FRMPD2: variants seen among roughly 807,000 people sequenced by gnomAD.
The protein encoded by FRMPD2 is FERM and PDZ domain-containing protein 2.
A neutral mutation model predicts 140.1 loss-of-function variants in FRMPD2; 96 were observed. The observed-to-expected ratio is 0.69, with a 90% confidence interval of 0.58 to 0.81. FRMPD2 has a LOEUF of 0.81. Ranked by LOEUF, FRMPD2 falls within the 40% of genes least tolerant of loss-of-function variation. FRMPD2 has a pLI of 0.00. For synonymous variants in FRMPD2, 449 were observed against 547.6 expected, an observed-to-expected ratio of 0.82 and a Z score of 2.52; for missense variants, 1,240 against 1,447.4, an observed-to-expected ratio of 0.86 and a Z score of 2.32.
intron 28 of FRMPD2, among the ~76,000 whole-genome samples, chr10:48,160,992 G>A (rs1360149692): frequency 2.7e-5 from 4 of 145,660 alleles, no homozygotes; most frequent in African/African-American, 1.0e-4. Flanking sequence ...GAGGGAAAAC[G>A]AAGTAAAAAT....
At chr10:48,173,198 C>T in intron 24 of FRMPD2, 105 bp from the exon 25 acceptor site, 1 of 516,642 alleles carries the variant, frequency 1.9e-6, no homozygotes. Context: ...TTCCTATAAG[C>T]AGACTCATTT....
At position 48,184,387 on chromosome 10, in the gene FRMPD2, C is replaced by T. The variant is rs554529455; in HGVS notation, c.2584+179G>A. Among the ~76,000 whole-genome samples the T allele has an allele frequency of 5.9e-5, 9 of 152,246 alleles. No homozygotes were observed. The East Asian group carries it at 1.7e-3, about 29-fold the overall frequency. On this transcript the variant is annotated intron_variant, in intron 20 of 28. Coordinates refer to ENST00000374201, the MANE Select transcript of FRMPD2 (RefSeq NM_001018071.4). ...GACAAGCATGGTAACGCCCATTCTG[C>T]CCCTGAAATTGCAAAGCTTATTAAT...
intron 13 of FRMPD2, among the ~76,000 whole-genome samples, chr10:48,211,737 C>T (rs537234710): frequency 2.0e-5 from 3 of 152,126 alleles, no homozygotes; most frequent in East Asian, 1.9e-4. Context: ...CCACACCCAC[C>T]CCAGCTCACT....
Position 48,212,037 on chromosome 10 carries a change from G to C in FRMPD2, c.1528C>G (p.Leu510Val), listed in dbSNP as rs370652383. The C allele has an allele frequency of 6.8e-6, 11 of 1,614,074 alleles. No individual in the cohort carries two copies. The highest frequency in any genetic ancestry group is 2.2e-5 in the South Asian group (2 of 91,068). The change falls in exon 13 of 29, where the codon CTA becomes GTA. Residue 510 changes from leucine (L) to valine (V), a missense_variant. Around this residue, in one of 6 missense-constraint regions of FRMPD2, gnomAD observed 1,161 missense variants for 1,055.9 expected, o/e 1.10. Transcript: ENST00000374201. ...TCTGAGACTTCAACCTGGACCCGTA[G>C]AGCGGTCATCCTCTCGATCAGACTC... ...PASLIERMTA[L>V]RVQVEVSEMH...
At chr10:48,188,472 A>G (rs1482265889) in intron 16 of FRMPD2, among the ~76,000 whole-genome samples, 6 of 152,198 alleles carry the variant, frequency 3.9e-5, no homozygotes. Context: ...ATCGACCCAC[A>G]GTGACTGAGA....
Position 48,274,450 on chromosome 10 carries a change from G to A in FRMPD2, c.25+93C>T, listed in dbSNP as rs1467211859. Reference sequence around the variant, plus strand: ...CTGACACAGGTCCTTGCCCAGCTGTGTTCTTCTTATTCCGGATACCTAGAC... The same window carrying A: ...CTGACACAGGTCCTTGCCCAGCTGTATTCTTCTTATTCCGGATACCTAGAC... On this transcript the variant is annotated intron_variant, in intron 1 of 28. Transcript: ENST00000374201. The A allele has an allele frequency of 4.4e-6, 5 of 1,124,330 alleles. No individual in the cohort carries two copies. The Admixed American group carries it at 7.2e-5, about 16-fold the overall frequency. The allele number at this position is 1,124,330 out of a possible 1,614,324, so 69.6% of individuals were successfully genotyped here.
At position 48,208,414 on chromosome 10, in the gene FRMPD2, C is replaced by T. The variant is rs114941954; in HGVS notation, c.1612-1481G>A. Among the ~76,000 whole-genome samples, 872 of 152,296 alleles carry T rather than the reference C, an allele frequency of 5.7e-3. 8 individuals carry two copies. Among genetic ancestry groups the T allele is most frequent in the African/African-American group, 0.02 (826 of 41,564 alleles). The stretch of plus-strand genomic sequence containing the variant: ...AGATTCCTACTAGTAAAGCACCATG[C>T]TAAGCCTCTCCCAGCATGATTTCAT... On this transcript the variant is annotated intron_variant, in intron 13 of 28. Coordinates refer to ENST00000374201, the MANE Select transcript of FRMPD2 (RefSeq NM_001018071.4).
At chr10:48,215,727 G>A (rs1028019582) in intron 12 of FRMPD2, among the ~76,000 whole-genome samples, 3 of 152,172 alleles carry the variant, frequency 2.0e-5, no homozygotes, top group African/African-American at 7.2e-5. Context: ...TGGGGATGGG[G>A]AAGCAGAAGG....
intron 9 of FRMPD2, 136 bp from the exon 10 acceptor site, chr10:48,232,425 A>G (rs1839872656): frequency 6.1e-6 from 4 of 658,490 alleles, no homozygotes; most frequent in Non-Finnish European, 1.0e-5. Flanking sequence ...TATATTTACA[A>G]TTCCTATGCA....
intron 1 of FRMPD2, among the ~76,000 whole-genome samples, chr10:48,267,530 C>T (rs1400596661): frequency 2.0e-5 from 3 of 152,100 alleles, no homozygotes; most frequent in Non-Finnish European, 1.5e-5. Flanking sequence ...AAAGACAATC[C>T]ACGGAATGGC....
chr10:48,272,468 T>G (rs1244705495), intron 1 of FRMPD2, among the ~76,000 whole-genome samples: 1 of 152,264 alleles, frequency 6.6e-6, no homozygotes, highest in Non-Finnish European at 1.5e-5. Context: ...TGCATTTTAC[T>G]GTTGTCTGTG....
intron 21 of FRMPD2, among the ~76,000 whole-genome samples, chr10:48,179,795 T>C (rs1838497489): frequency 6.6e-6 from 1 of 152,110 alleles, no homozygotes; most frequent in Admixed American, 6.5e-5. Context: ...TTGAAAGAGG[T>C]GCAATAACCT....
At chr10:48,171,697 A>G (rs1215851006) in intron 25 of FRMPD2, among the ~76,000 whole-genome samples, 1 of 152,206 alleles carries the variant, frequency 6.6e-6, no homozygotes, top group African/African-American at 2.4e-5. Context: ...CTCAATAACC[A>G]CATGTGGCAA....
chr10:48,216,881 T>A (rs1292669054), intron 12 of FRMPD2, among the ~76,000 whole-genome samples: 1 of 152,146 alleles, frequency 6.6e-6, no homozygotes, highest in Non-Finnish European at 1.5e-5. Flanking sequence ...CTTCCCAATG[T>A]AGCACCACCC....
chr10:48,211,320 A>T (rs1414702898), intron 13 of FRMPD2, among the ~76,000 whole-genome samples: 1 of 152,258 alleles, frequency 6.6e-6, no homozygotes, highest in Non-Finnish European at 1.5e-5. Flanking sequence ...TCCTGTGCAC[A>T]GGCCACAGCA....
At chr10:48,234,909 T>A (rs773312094) in intron 9 of FRMPD2, among the ~76,000 whole-genome samples, 7 of 152,098 alleles carry the variant, frequency 4.6e-5, no homozygotes, top group Non-Finnish European at 1.0e-4. Flanking sequence ...CTGGCCCCCA[T>A]CACAGCAGGT....
intron 12 of FRMPD2, among the ~76,000 whole-genome samples, chr10:48,214,897 C>A (rs1644740531): frequency 6.6e-6 from 1 of 152,118 alleles, no homozygotes; most frequent in Admixed American, 6.5e-5. Flanking sequence ...GGAAGGCCAC[C>A]GGAGGACATG....
intron 14 of FRMPD2, 83 bp downstream of exon 14, chr10:48,206,664 AC>A (rs1839205552): frequency 9.3e-7 from 1 of 1,080,664 alleles, no homozygotes; most frequent in Non-Finnish European, 1.4e-6. Context: ...AAGCCACATG[AC>A]CCATGACCCA....
At chr10:48,212,211 C>A in intron 12 of FRMPD2, 102 bp from the exon 13 acceptor site, 1 of 1,220,062 alleles carries the variant, frequency 8.2e-7, no homozygotes, top group Non-Finnish European at 1.2e-6. Flanking sequence ...CAGGAGGGCG[C>A]CAGAGAAAGA....
Sources: gnomAD v4.1 joint callset for allele counts (sites outside exome capture counted in the v4.1 genomes callset) on GRCh38, gnomAD v4.1.1 for gene constraint, gnomAD v4.1.1 regional missense constraint, MANE v1.5 for transcripts, NCBI Gene and HGNC (gene_info 2026-07-23, HGNC 2026-07-21) for gene names.